Variants in CTSD observed in about 807,000 individuals in gnomAD.
The protein encoded by CTSD is ceroid-lipofuscinosis, neuronal 10.
CTSD carries 28 observed loss-of-function variants against 43.6 expected under a neutral mutation model. The ratio of observed to expected loss-of-function variants is 0.64; its 90% CI spans 0.48 to 0.88. The LOEUF is 0.88. Ranked by LOEUF, CTSD falls within the 40% of genes least tolerant of loss-of-function variation. The pLI, the probability that CTSD is intolerant of heterozygous loss-of-function variation, is 0.00. For synonymous variants in CTSD, 270 were observed against 249.8 expected (o/e 1.08, Z -0.76); for missense variants, 485 against 555.2 (o/e 0.87, Z 1.27).
At chr11:1,756,992 G>A (rs1163420843) in intron 5 of CTSD, among the ~76,000 whole-genome samples, 1 of 152,186 alleles carries the variant, frequency 6.6e-6, no homozygotes, top group Non-Finnish European at 1.5e-5. Flanking sequence ...GGACCGACGG[G>A]CCGACTGAAC....
At chr11:1,759,485 C>T (rs1845848752) in intron 3 of CTSD, 31 bp downstream of exon 3, 1 of 1,612,200 alleles carries the variant, frequency 6.2e-7, no homozygotes, top group Admixed American at 1.7e-5. Flanking sequence ...AGGGCAGGAC[C>T]TGGGCGACGG....
chr11:1,756,888 C>T (rs1845816332), intron 5 of CTSD, among the ~76,000 whole-genome samples: 1 of 152,226 alleles, frequency 6.6e-6, no homozygotes, highest in Non-Finnish European at 1.5e-5. Context: ...CCAAGGTCAC[C>T]TCCCCGGGGA....
intron 4 of CTSD, chr11:1,758,094 G>C (rs531502582): frequency 5.2e-4 from 110 of 213,290 alleles, no homozygotes; most frequent in Non-Finnish European, 8.8e-4. Flanking sequence ...CGGGGCGGAG[G>C]GGGCAGAAGA....
intron 6 of CTSD, 52 bp from the exon 7 acceptor site, chr11:1,754,190 G>A (rs1845766743): frequency 6.3e-7 from 1 of 1,582,408 alleles, no homozygotes; most frequent in Non-Finnish European, 8.6e-7. Flanking sequence ...TGTGCCCTGG[G>A]GGCCCAGTGC....
intron 6 of CTSD, among the ~76,000 whole-genome samples, chr11:1,754,452 TAGAC>T (rs758868905): frequency 3.8e-5 from 3 of 78,054 alleles, no homozygotes; most frequent in Non-Finnish European, 7.8e-5. Flanking sequence ...GATGGAGGGA[TAGAC>T]AGATGGAGGG....
intron 1 of CTSD, chr11:1,761,729 C>G (rs1341481831): frequency 7.3e-6 from 4 of 549,412 alleles, no homozygotes; most frequent in Non-Finnish European, 1.0e-5. Flanking sequence ...ACACACCCAA[C>G]CTGGGGGCCA....
intron 1 of CTSD, 192 bp from the exon 2 acceptor site, chr11:1,761,660 C>T (rs1328834757): frequency 2.5e-5 from 17 of 673,530 alleles, no homozygotes; most frequent in East Asian, 5.5e-5. Flanking sequence ...CATTGCCCCC[C>T]GCCAGGTTGC....
At chr11:1,755,421 T>A in intron 5 of CTSD, 1 of 337,172 alleles carries the variant, frequency 3.0e-6, no homozygotes, top group Non-Finnish European at 5.8e-6. Flanking sequence ...GAGGGAGTGA[T>A]GGCACAATCT....
At position 1,761,195 on chromosome 11, in the gene CTSD, G is replaced by A. The variant is rs1845871379; in HGVS notation, c.228+114C>T. The A allele has an allele frequency of 2.8e-5, 34 of 1,207,828 alleles. No homozygotes were observed. In the Middle Eastern group the frequency reaches 8.1e-4, roughly 29 times the overall value. 74.8% of individuals were successfully genotyped at this position (1,207,828 alleles called of 1,614,324 possible). ...TGAGCCGGGACGCCACCGTGGCCAG[G>A]TGAGCCACTCAAACTGCGCTGCTGA... On this transcript the variant is annotated intron_variant, in intron 2 of 8. Coordinates refer to ENST00000236671, the MANE Select transcript of CTSD (RefSeq NM_001909.5).
At chr11:1,759,428 G>T in intron 3 of CTSD, 88 bp downstream of exon 3, 1 of 1,577,044 alleles carries the variant, frequency 6.3e-7, no homozygotes, top group African/African-American at 1.3e-5. Flanking sequence ...CAGGAGAATT[G>T]CGTTGCCCAA....
intron 6 of CTSD, among the ~76,000 whole-genome samples, chr11:1,754,458 G>GGGA: frequency 1.6e-5 from 2 of 128,524 alleles, no homozygotes; most frequent in Non-Finnish European, 3.3e-5. Flanking sequence ...GGGATAGACA[G>GGGA]ATGGAGGGGA....
Position 1,759,377 on chromosome 11 carries a change from G to A in CTSD, c.352+139C>T, listed in dbSNP as rs951998069. ...GGTTCACCCAGAAAGTCAGTGGCTG[G>A]AGCAGGGTGGAGGGCTGGCCTGGCT... On this transcript the variant is annotated intron_variant, in intron 3 of 8. Coordinates refer to ENST00000236671, the MANE Select transcript of CTSD (RefSeq NM_001909.5). 18 of 1,293,310 alleles carry A rather than the reference G, an allele frequency of 1.4e-5. No homozygotes were observed. The East Asian group carries it at 4.2e-4, about 30-fold the overall frequency. The allele number at this position is 1,293,310 out of a possible 1,614,324, so 80.1% of individuals were successfully genotyped here. A position where few individuals can be genotyped will look rare whatever the true frequency, so the allele number is the denominator to read the frequency against.
At position 1,753,658 on chromosome 11, in the gene CTSD, C is replaced by T. The variant is rs746733183; in HGVS notation, c.1084G>A (p.Gly362Arg). Residue 362 changes from glycine (G) to arginine (R), a missense_variant, in exon 9 of 9, where the codon GGG becomes AGG. Coordinates refer to ENST00000236671, the MANE Select transcript of CTSD (RefSeq NM_001909.5). ...EDYTLKVSQA[G>R]KTLCLSGFMG... ...AAGCCGCTCAGGCAGAGGGTCTTCCCGGCCTGCGACACCTGGGACGGCCCT... is the reference window on the plus strand; with the variant it reads ...AAGCCGCTCAGGCAGAGGGTCTTCCTGGCCTGCGACACCTGGGACGGCCCT... 1.1e-5 allele frequency: 17 copies of T among 1,612,708 alleles called. No homozygotes were observed. The highest frequency in any genetic ancestry group is 1.6e-4 in the Middle Eastern group (1 of 6,080).
chr11:1,761,073 C>A, intron 2 of CTSD: 2 of 562,310 alleles, frequency 3.6e-6, no homozygotes, highest in South Asian at 3.9e-5. Context: ...CCCGAGGCCA[C>A]TCCCAATCAC....
At chr11:1,759,721 G>C (rs1845852391) in intron 2 of CTSD, 82 bp from the exon 3 acceptor site, 1 of 1,452,148 alleles carries the variant, frequency 6.9e-7, no homozygotes, top group Non-Finnish European at 9.3e-7. Flanking sequence ...GCTGTCCCCA[G>C]AGCCAAGGCC....
At position 1,754,234 on chromosome 11, in the gene CTSD, C is replaced by A. The variant is rs553734441; in HGVS notation, c.828-96G>T. Reference sequence around the variant, plus strand: ...GGGAGCCCCTCCCCTGGCTGGGCTGCACTCTCCTCCCCTCAGGGCTCCTGG... The same window carrying A: ...GGGAGCCCCTCCCCTGGCTGGGCTGAACTCTCCTCCCCTCAGGGCTCCTGG... On this transcript the variant is annotated intron_variant, in intron 6 of 8. Coordinates refer to ENST00000236671, the MANE Select transcript of CTSD (RefSeq NM_001909.5). 4.2e-6 allele frequency: 6 copies of A among 1,421,004 alleles called. No homozygotes were observed. In the African/African-American group the frequency reaches 8.4e-5, roughly 20 times the overall value. 88.0% of individuals were successfully genotyped at this position (1,421,004 alleles called of 1,614,324 possible). A position where few individuals can be genotyped will look rare whatever the true frequency, so the allele number is the denominator to read the frequency against.
chr11:1,762,634 G>C (rs146171383), intron 1 of CTSD: 6 of 152,378 alleles, frequency 3.9e-5, no homozygotes, highest in African/African-American at 1.4e-4. Flanking sequence ...AGGTGTAATA[G>C]TATCAGTCGC....
chr11:1,757,280 C>T (rs1423880805), intron 5 of CTSD, 44 bp downstream of exon 5: 7 of 1,536,492 alleles, frequency 4.6e-6, no homozygotes, highest in Non-Finnish European at 9.0e-7. Flanking sequence ...CAGCCCCGCC[C>T]TGCCTCCCAG....
chr11:1,753,110 G>C lies in CTSD; in HGVS notation c.*393C>G, dbSNP rs1435818768. 3.1e-6 allele frequency: 1 copy of C among 323,956 alleles called. No individual in the cohort carries two copies. The highest frequency in any genetic ancestry group is 8.7e-5 in the East Asian group (1 of 11,540). 20.1% of individuals were successfully genotyped at this position (323,956 alleles called of 1,614,324 possible). On this transcript the variant is annotated 3_prime_UTR_variant, in exon 9 of 9. Coordinates refer to ENST00000236671, the MANE Select transcript of CTSD (RefSeq NM_001909.5). The stretch of plus-strand genomic sequence containing the variant: ...CAGGTTTCCAAGGGAGGGCCCGGGA[G>C]GACGGCCTGGTGTGGGGTAGGGGCT...
Sources: allele counts gnomAD v4.1 joint callset (sites outside exome capture counted in the v4.1 genomes callset), GRCh38; gene constraint gnomAD v4.1.1; transcripts MANE v1.5; gene names NCBI Gene and HGNC (gene_info 2026-07-23, HGNC 2026-07-21).